The following PLCB1 variants were observed in gnomAD, a reference collection of about 807,000 sequenced individuals.
The protein encoded by PLCB1 is 1-phosphatidylinositol 4,5-bisphosphate phosphodiesterase beta-1.
Under a neutral mutation model 161.8 loss-of-function variants are expected in PLCB1, and 46 were observed. The observed-to-expected ratio is 0.28, with a 90% CI of 0.22 to 0.36. The LOEUF (loss-of-function observed/expected upper bound fraction) is 0.36, where lower values mean the gene tolerates loss of function less well. Among genes scored for constraint, PLCB1 ranks in the 10% least tolerant of loss-of-function variants. The probability of loss-of-function intolerance (pLI) is 1.00; values close to 1 mark genes in which losing one functional copy is unlikely to be tolerated. For synonymous variants in PLCB1, 517 were observed against 503.7 expected (o/e 1.03, Z -0.35); for missense variants, 1,016 against 1,472.5 (o/e 0.69, Z 5.07).
intron 2 of PLCB1, among the ~76,000 whole-genome samples, chr20:8,317,530 GAC>G (rs896567727): frequency 1.4e-5 from 2 of 138,772 alleles, no homozygotes; most frequent in African/African-American, 2.8e-5. Flanking sequence ...CCATCCCCCC[GAC>G]ACACACACAC....
intron 3 of PLCB1, among the ~76,000 whole-genome samples, chr20:8,544,230 T>C (rs760885779): frequency 1.3e-5 from 2 of 152,180 alleles, no homozygotes; most frequent in Non-Finnish European, 2.9e-5. Context: ...AGAGTATCAG[T>C]TGAAACCAAA....
intron 10 of PLCB1, among the ~76,000 whole-genome samples, 174 bp downstream of exon 10, chr20:8,685,252 A>T (rs988034937): frequency 5.3e-5 from 8 of 152,152 alleles, no homozygotes; most frequent in African/African-American, 1.9e-4. Flanking sequence ...AGTCATGTCC[A>T]CATGTGTATG....
chr20:8,467,099 C>T (rs964589257), intron 3 of PLCB1, among the ~76,000 whole-genome samples: 9 of 152,172 alleles, frequency 5.9e-5, no homozygotes, highest in Non-Finnish European at 1.0e-4. Context: ...GCCACCATGC[C>T]CAACTAATTT....
intron 3 of PLCB1, among the ~76,000 whole-genome samples, chr20:8,463,140 C>T (rs1164436374): frequency 8.5e-6 from 1 of 118,214 alleles, no homozygotes; most frequent in Non-Finnish European, 1.8e-5. Context: ...TGACCTAGTA[C>T]AGAGCAGTGT....
At chr20:8,524,640 A>C (rs1408869725) in intron 3 of PLCB1, among the ~76,000 whole-genome samples, 1 of 152,180 alleles carries the variant, frequency 6.6e-6, no homozygotes. Flanking sequence ...AGATGAGGCA[A>C]TTAAGAAGTA....
rs541404949 is a variant in PLCB1, at chr20:8,201,535, C to T, written c.177+51164C>T. The stretch of plus-strand genomic sequence containing the variant: ...GGTTTAAAATAAACCTGAATCTCTA[C>T]GTAATTCAACATTATGATTTGGTAC... On this transcript the variant is annotated intron_variant, in intron 2 of 31. Transcript: ENST00000338037. 3.3e-5 allele frequency among the ~76,000 whole-genome samples: 5 copies of T among 152,196 alleles called. No individual in the cohort carries two copies. In the East Asian group the frequency reaches 5.8e-4, roughly 18 times the overall value.
At chr20:8,815,768 A>T (rs1985058388) in intron 31 of PLCB1, among the ~76,000 whole-genome samples, 1 of 152,236 alleles carries the variant, frequency 6.6e-6, no homozygotes, top group Non-Finnish European at 1.5e-5. Flanking sequence ...TGCTGATCAT[A>T]AAACAATTGA....
chr20:8,411,123 A>G (rs996396649), intron 3 of PLCB1, among the ~76,000 whole-genome samples: 15 of 152,232 alleles, frequency 9.9e-5, no homozygotes, highest in South Asian at 2.1e-4. Context: ...AATTTATCAC[A>G]TCATCTAAAA....
intron 3 of PLCB1, among the ~76,000 whole-genome samples, chr20:8,600,400 G>C (rs1451490513): frequency 5.9e-5 from 8 of 135,928 alleles, no homozygotes; most frequent in African/African-American, 1.5e-4. Flanking sequence ...GTGCCTCCCA[G>C]TTAGGCTGCT....
chr20:8,243,314 G>A (rs1264642660), intron 2 of PLCB1, among the ~76,000 whole-genome samples: 2 of 151,936 alleles, frequency 1.3e-5, no homozygotes, highest in Admixed American at 6.6e-5. Flanking sequence ...GACTACAAAT[G>A]CAAAGAGGAA....
rs150189968 is a variant in PLCB1 at position 8,722,391 on chromosome 20, T to G, written c.1551T>G (p.Asp517Glu). The G allele has an allele frequency of 3.1e-6, 5 of 1,611,200 alleles. No homozygotes were observed. In the African/African-American group the frequency reaches 6.7e-5, roughly 22 times the overall value. Residue 517 changes from aspartate to glutamate, a missense_variant, in exon 15 of 32, where the codon GAT (aspartate) becomes GAG (glutamate). Coordinates refer to ENST00000338037, the MANE Select transcript of PLCB1 (RefSeq NM_015192.4). ...CGGAAAGTGACGACGACGATGATGA[T>G]GATGACTGTAAAAAATCTTCAATGG... ...ADTESDDDDD[D>E]DDCKKSSMDE...
At chr20:8,414,239 A>C (rs555350304) in intron 3 of PLCB1, among the ~76,000 whole-genome samples, 2 of 152,326 alleles carry the variant, frequency 1.3e-5, no homozygotes, top group South Asian at 4.1e-4. Context: ...TTTATTTGGG[A>C]TAATAAAATT....
intron 23 of PLCB1, among the ~76,000 whole-genome samples, chr20:8,743,802 T>G (rs1380751365): frequency 6.6e-6 from 1 of 152,160 alleles, no homozygotes; most frequent in East Asian, 1.9e-4. Context: ...TCAGTTATAA[T>G]AGTGCTTTTT....
intron 27 of PLCB1, among the ~76,000 whole-genome samples, chr20:8,778,696 C>T (rs921454787): frequency 2.0e-5 from 3 of 152,332 alleles, no homozygotes; most frequent in Admixed American, 2.0e-4. Flanking sequence ...CCCTGCACCA[C>T]TGTGATTGTG....
At position 8,379,440 on chromosome 20, in the gene PLCB1, G is replaced by T. The variant is rs569263861; in HGVS notation, c.246+7990G>T. Among the ~76,000 whole-genome samples the T allele has an allele frequency of 3.9e-5, 6 of 152,256 alleles. No individual in the cohort carries two copies. In the South Asian group the frequency reaches 1.2e-3, roughly 32 times the overall value. On this transcript the variant is annotated intron_variant, in intron 3 of 31. Transcript: ENST00000338037. ...TGTGCATGCGTCTTTATAATAGAATGACTTATATTCCTCTGGCTGTATACC... is the reference window on the plus strand; with the variant it reads ...TGTGCATGCGTCTTTATAATAGAATTACTTATATTCCTCTGGCTGTATACC...
At chr20:8,431,672 C>A (rs1980048179) in intron 3 of PLCB1, among the ~76,000 whole-genome samples, 1 of 152,088 alleles carries the variant, frequency 6.6e-6, no homozygotes, top group Non-Finnish European at 1.5e-5. Context: ...TTGGGAACAT[C>A]TCTGGGTTTC....
At chr20:8,593,352 CGTGT>C (rs542015201) in intron 3 of PLCB1, among the ~76,000 whole-genome samples, 2 of 149,894 alleles carry the variant, frequency 1.3e-5, no homozygotes, top group Non-Finnish European at 3.0e-5. Context: ...TGTGTGTGCG[CGTGT>C]GTGTGTGTGT....
At position 8,457,714 on chromosome 20, in the gene PLCB1, GCACACACACACA is replaced by G. The variant is rs145581916; in HGVS notation, c.246+86286_246+86297del. On this transcript the variant is annotated intron_variant, in intron 3 of 31. Transcript: ENST00000338037. Reference sequence around the variant, plus strand: ...CTACTTATACCCCTAATGTGTGCGCGCACACACACACACACACACACACACACACACACGTAC... The same window carrying G: ...CTACTTATACCCCTAATGTGTGCGCGCACACACACACACACACACACGTAC... Among the ~76,000 whole-genome samples, 55 of 145,864 alleles carry G rather than the reference GCACACACACACA, an allele frequency of 3.8e-4. 1 individual carries two copies. In the East Asian group the frequency reaches 1.0e-2, roughly 26 times the overall value.
At chr20:8,724,547 G>A in intron 15 of PLCB1, 109 bp from the exon 16 acceptor site, 1 of 713,158 alleles carries the variant, frequency 1.4e-6, no homozygotes, top group East Asian at 2.6e-5. Context: ...TTTCAGAAAG[G>A]GAGGGATGAT....
Sources: gnomAD v4.1 joint callset for allele counts (sites outside exome capture counted in the v4.1 genomes callset) on GRCh38, gnomAD v4.1.1 for gene constraint, MANE v1.5 for transcripts, NCBI Gene and HGNC (gene_info 2026-07-23, HGNC 2026-07-21) for gene names.